PI4KA: variants seen among roughly 807,000 people sequenced by gnomAD.
PI4KA encodes the protein PI4-kinase alpha.
PI4KA carries 122 observed loss-of-function variants against 271.4 expected under a neutral mutation model. That is an observed-to-expected ratio of 0.45 (90% CI 0.39 to 0.52). The LOEUF (loss-of-function observed/expected upper bound fraction) is 0.52. Ranked by LOEUF, PI4KA falls within the 20% of genes least tolerant of loss-of-function variation. The pLI is 0.00. For synonymous variants in PI4KA, 1,041 were observed against 1,078.8 expected (o/e 0.96, Z 0.69); for missense variants, 1,969 against 2,769.1 (o/e 0.71, Z 6.48).
intron 45 of PI4KA, among the ~76,000 whole-genome samples, chr22:20,715,994 G>A (rs570032213): frequency 1.1e-3 from 165 of 151,950 alleles, no homozygotes; most frequent in Non-Finnish European, 1.2e-3. Flanking sequence ...GGGTTCAAGT[G>A]ATTCTTGTTC....
intron 52 of PI4KA, chr22:20,710,489 G>A (rs1304661719): frequency 1.5e-5 from 9 of 606,960 alleles, no homozygotes; most frequent in African/African-American, 3.7e-5. Flanking sequence ...GGGCAGGATC[G>A]TGGGGAAGGT....
At chr22:20,784,937 T>G (rs981136919) in intron 19 of PI4KA, among the ~76,000 whole-genome samples, 4 of 152,188 alleles carry the variant, frequency 2.6e-5, no homozygotes, top group Non-Finnish European at 5.9e-5. Flanking sequence ...AAGTAGGCTC[T>G]CAGAGGAAGG....
At chr22:20,784,316 G>C in intron 19 of PI4KA, 1 of 1,599,210 alleles carries the variant, frequency 6.3e-7, no homozygotes, top group East Asian at 2.2e-5. Flanking sequence ...CTGGAAAATG[G>C]ATCATTTTTT....
At position 20,727,856 on chromosome 22, in the gene PI4KA, T is replaced by G; in HGVS notation, c.4691A>C (p.Asn1564Thr). 1 of 1,613,674 alleles carries G rather than the reference T, an allele frequency of 6.2e-7. No homozygotes were observed. Residue 1564 changes from asparagine to threonine, a missense_variant, in exon 40 of 55, where the codon AAC becomes ACC. Asn to Thr is a moderately conservative substitution (Grantham distance 65). Transcript: ENST00000255882. ...LAVQLPARFKNTEAIGNEVTR... is the reference protein window; with the variant it reads ...LAVQLPARFKTTEAIGNEVTR... ...CACTTCGTTCCCAATGGCTTCTGTG[T>G]TCTTAAACCTACAGTGCACAGAGGG...
intron 3 of PI4KA, among the ~76,000 whole-genome samples, chr22:20,825,768 A>G (rs1923328004): frequency 6.6e-6 from 1 of 152,146 alleles, no homozygotes; most frequent in Non-Finnish European, 1.5e-5. Flanking sequence ...GTACATACGC[A>G]GTTTTGTTAT....
chr22:20,714,428 T>A, intron 47 of PI4KA, 30 bp downstream of exon 47: 4 of 1,584,158 alleles, frequency 2.5e-6, no homozygotes, highest in Non-Finnish European at 3.4e-6. Context: ...AGCACTGAGC[T>A]CCCAAACAAA....
chr22:20,804,439 C>A, intron 11 of PI4KA, 39 bp from the exon 12 acceptor site: 1 of 1,360,958 alleles, frequency 7.3e-7, no homozygotes. Flanking sequence ...GTGATCAGCA[C>A]AGGCCAGTCT....
intron 4 of PI4KA, among the ~76,000 whole-genome samples, chr22:20,821,333 C>T (rs756214886): frequency 1.3e-5 from 2 of 152,066 alleles, no homozygotes; most frequent in Admixed American, 6.6e-5. Context: ...ATTCTCCTGA[C>T]TCAGTCTCCT....
intron 32 of PI4KA, 72 bp from the exon 33 acceptor site, chr22:20,734,625 T>TA (rs1928484018): frequency 1.4e-6 from 2 of 1,420,040 alleles, no homozygotes; most frequent in Non-Finnish European, 1.9e-6. Flanking sequence ...TTTCTCTAAT[T>TA]AAAAAAAGGA....
chr22:20,798,933 A>G (rs1038345634), intron 16 of PI4KA, 160 bp downstream of exon 16: 1 of 653,892 alleles, frequency 1.5e-6, no homozygotes, highest in African/African-American at 1.8e-5. Context: ...CCCAGCACTC[A>G]CAGCATCTTA....
In PI4KA at chr22:20,770,577, C is replaced by T. The variant is rs191056528; in HGVS notation, c.2329-4884G>A. ...TTTGCTATGTTGCCCAAGCTGGACA[C>T]GGACACACACACACACACACACACA... On this transcript the variant is annotated intron_variant, in intron 19 of 54. Transcript: ENST00000255882. 2.3e-3 allele frequency among the ~76,000 whole-genome samples: 164 copies of T among 70,594 alleles called. 4 individuals carry two copies. Among genetic ancestry groups the T allele is most frequent in the African/African-American group, 0.01 (158 of 15,770 alleles). The allele number at this position is 70,594 out of a possible 152,430, so 46.3% of individuals were successfully genotyped here.
chr22:20,799,795 T>C, intron 14 of PI4KA, 29 bp from the exon 15 acceptor site: 2 of 1,392,722 alleles, frequency 1.4e-6, no homozygotes, highest in Non-Finnish European at 2.0e-6. Flanking sequence ...CATGTGGCAC[T>C]GAGGCATCAA....
At chr22:20,811,183 C>A in intron 8 of PI4KA, 151 bp from the exon 9 acceptor site, 3 of 658,390 alleles carry the variant, frequency 4.6e-6, no homozygotes, top group Non-Finnish European at 5.5e-6. Context: ...ATGTATCAAA[C>A]TATATGCACA....
In PI4KA at chr22:20,818,518, C is replaced by T. The variant is rs748127980; in HGVS notation, c.821G>A (p.Ser274Asn). 9.6e-6 allele frequency: 15 copies of T among 1,566,718 alleles called. No individual in the cohort carries two copies. Among genetic ancestry groups the T allele is most frequent in the Admixed American group, 2.0e-5 (1 of 49,942 alleles). The change falls in exon 7 of 55, where the codon AGT becomes AAT. Residue 274 changes from serine (S) to asparagine (N), a missense_variant. Ser to Asn is a conservative substitution (Grantham distance 46). Around this residue, in one of 13 missense-constraint regions of PI4KA, gnomAD observed 540 missense variants for 555.5 expected, o/e 0.97. Transcript: ENST00000255882. ...GTGAAAGGCAGATCCTCCAGGGGAACTGGGAGGGGGCATGCCGCGTTCAGG... is the reference window on the plus strand; with the variant it reads ...GTGAAAGGCAGATCCTCCAGGGGAATTGGGAGGGGGCATGCCGCGTTCAGG... ...VSPERGMPPP[S>N]SPGGSAFHYF...
At position 20,834,572 on chromosome 22, in the gene PI4KA, C is replaced by T. The variant is rs1227504574; in HGVS notation, c.357G>A (p.Arg119=). Residue 119 remains arginine (R), a synonymous_variant, in exon 3 of 55, where the codon CGG becomes CGA. Transcript: ENST00000255882. ...ATTATATACAATTACCTCTGCCTTT[C>T]CGAGCTGTGCTTTCTTCTACCCAAT... The part of the protein sequence containing the change: ...KVYWVEESTA[R]KGRGALPVAE... 6.3e-7 allele frequency: 1 copy of T among 1,597,820 alleles called. No individual in the cohort carries two copies. The highest frequency in any genetic ancestry group is 2.2e-5 in the East Asian group (1 of 44,828).
chr22:20,784,784 G>A (rs1006378572), intron 19 of PI4KA, among the ~76,000 whole-genome samples: 3 of 152,156 alleles, frequency 2.0e-5, no homozygotes, highest in African/African-American at 7.2e-5. Flanking sequence ...TACTTATTGA[G>A]ATTATTATTG....
intron 29 of PI4KA, among the ~76,000 whole-genome samples, chr22:20,746,934 T>G (rs1930179926): frequency 6.6e-6 from 1 of 152,200 alleles, no homozygotes; most frequent in Non-Finnish European, 1.5e-5. Flanking sequence ...ACACAGCCTC[T>G]GCACCTCCAC....
chr22:20,816,605 C>T (rs1921843206), intron 7 of PI4KA, among the ~76,000 whole-genome samples: 1 of 152,124 alleles, frequency 6.6e-6, no homozygotes, highest in Non-Finnish European at 1.5e-5. Context: ...GCACTCCAGC[C>T]TGGGTGACAG....
intron 3 of PI4KA, among the ~76,000 whole-genome samples, chr22:20,826,095 C>A (rs1923382742): frequency 6.6e-6 from 1 of 152,146 alleles, no homozygotes; most frequent in East Asian, 1.9e-4. Flanking sequence ...GTAATCCCAG[C>A]ACTTTGGGAG....
Sources: allele counts gnomAD v4.1 joint callset (sites outside exome capture counted in the v4.1 genomes callset), GRCh38; gene constraint gnomAD v4.1.1; regional missense constraint gnomAD v4.1.1; transcripts MANE v1.5; gene names NCBI Gene and HGNC (gene_info 2026-07-23, HGNC 2026-07-21).